ZNF407: variants seen among roughly 807,000 people sequenced by gnomAD.
ZNF407 encodes zinc finger protein 407.
A neutral mutation model predicts 131.2 loss-of-function variants in ZNF407; 17 were observed. The ratio of observed to expected loss-of-function variants is 0.13; its 90% confidence interval spans 0.09 to 0.19. The LOEUF (loss-of-function observed/expected upper bound fraction) is 0.19, where lower values mean the gene tolerates loss of function less well. Ranked by LOEUF, ZNF407 falls within the 10% of genes least tolerant of loss-of-function variation. The probability of loss-of-function intolerance (pLI) is 1.00; values close to 1 mark genes in which losing one functional copy is unlikely to be tolerated. For missense variants in ZNF407, 2,681 were observed against 2,830.6 expected (o/e 0.95, Z 1.20); for synonymous variants, 1,156 against 1,062.0 (o/e 1.09, Z -1.72).
At chr18:74,713,532 G>A (rs1170746706) in intron 3 of ZNF407, among the ~76,000 whole-genome samples, 6 of 151,908 alleles carry the variant, frequency 3.9e-5, no homozygotes, top group Non-Finnish European at 7.4e-5. Context: ...AGGCAAATTT[G>A]ACTTAGGCAT....
chr18:75,022,493 C>G (rs1258755179), intron 8 of ZNF407, among the ~76,000 whole-genome samples: 3 of 152,130 alleles, frequency 2.0e-5, no homozygotes, highest in Non-Finnish European at 4.4e-5. Flanking sequence ...TGTACATGGC[C>G]TAAGGCAATA....
chr18:74,756,190 C>A (rs1410085168), intron 3 of ZNF407, among the ~76,000 whole-genome samples: 1 of 151,972 alleles, frequency 6.6e-6, no homozygotes, highest in Non-Finnish European at 1.5e-5. Flanking sequence ...CAGCGCCTGG[C>A]CATATATTTC....
chr18:74,910,632 C>T lies in ZNF407; in HGVS notation c.5250-9882C>T, dbSNP rs890939587. 1.1e-4 allele frequency among the ~76,000 whole-genome samples: 16 copies of T among 152,182 alleles called. 1 individual carries two copies. Among genetic ancestry groups the T allele is most frequent in the African/African-American group, 3.9e-4 (16 of 41,514 alleles). ...AAGAATTTAACCCGCTATGTAGTGC[C>T]TTGCATTACCTAAACCATATTTTAG... On this transcript the variant is annotated intron_variant, in intron 7 of 8. Transcript: ENST00000299687.
chr18:74,832,602 T>A (rs141702965), intron 4 of ZNF407, among the ~76,000 whole-genome samples: 245 of 152,272 alleles, frequency 1.6e-3, no homozygotes, highest in Middle Eastern at 0.014. Context: ...CCACTTTAAG[T>A]TGATTTCAAA....
chr18:75,009,961 C>T (rs1426865927), intron 8 of ZNF407, among the ~76,000 whole-genome samples: 1 of 152,114 alleles, frequency 6.6e-6, no homozygotes, highest in African/African-American at 2.4e-5. Flanking sequence ...GCAGTGCTGT[C>T]CTAGACTTAA....
At chr18:74,677,770 A>G (rs1207408051) in intron 3 of ZNF407, among the ~76,000 whole-genome samples, 1 of 151,848 alleles carries the variant, frequency 6.6e-6, no homozygotes, top group Non-Finnish European at 1.5e-5. Context: ...GTCCATTTCT[A>G]TTGCCTGTTG....
At chr18:74,907,610 G>C (rs1568264528) in intron 7 of ZNF407, among the ~76,000 whole-genome samples, 1 of 152,204 alleles carries the variant, frequency 6.6e-6, no homozygotes, top group Non-Finnish European at 1.5e-5. Flanking sequence ...AACTCTGTAG[G>C]AGAAGCTAAC....
intron 3 of ZNF407, among the ~76,000 whole-genome samples, chr18:74,694,414 T>C (rs1262386392): frequency 6.6e-6 from 1 of 151,812 alleles, no homozygotes; most frequent in African/African-American, 2.4e-5. Context: ...GAGATATAGC[T>C]CCCTTTATTA....
At chr18:74,655,566 G>A (rs779280118) in intron 3 of ZNF407, among the ~76,000 whole-genome samples, 6 of 152,066 alleles carry the variant, frequency 3.9e-5, no homozygotes, top group Non-Finnish European at 8.8e-5. Context: ...TGATGTCTGA[G>A]TAAATGATTC....
At position 74,703,821 on chromosome 18, in the gene ZNF407, T is replaced by G. The variant is rs1967558048; in HGVS notation, c.4802+62699T>G. On this transcript the variant is annotated intron_variant, in intron 3 of 8. Coordinates refer to ENST00000299687, the MANE Select transcript of ZNF407 (RefSeq NM_017757.3). The surrounding 1 kb of genome is among the most constrained non-coding windows in gnomAD (Gnocchi z 4.1). ...CAGACTCTTTCTAAATATACAGTTTTGTTGATTAATTAATCATTTAATATT... is the reference window on the plus strand; with the variant it reads ...CAGACTCTTTCTAAATATACAGTTTGGTTGATTAATTAATCATTTAATATT... Among the ~76,000 whole-genome samples, 1 of 152,222 alleles carries G rather than the reference T, an allele frequency of 6.6e-6. No homozygotes were observed. Among genetic ancestry groups the G allele is most frequent in the Non-Finnish European group, 1.5e-5 (1 of 68,042 alleles).
intron 7 of ZNF407, among the ~76,000 whole-genome samples, chr18:74,891,382 T>C (rs1483782284): frequency 1.3e-5 from 2 of 152,250 alleles, no homozygotes; most frequent in African/African-American, 4.8e-5. Flanking sequence ...TTGAATATTA[T>C]GTATGTTAAG....
chr18:75,063,723 A>T lies in ZNF407; in HGVS notation c.6002A>T (p.Glu2001Val). 1 of 1,610,736 alleles carries T rather than the reference A, an allele frequency of 6.2e-7. No homozygotes were observed. The highest frequency in any genetic ancestry group is 8.5e-7 in the Non-Finnish European group (1 of 1,179,566). Reference protein sequence around the residue: ...ALLCAVTELGEVEGRAGLEEQ... With the variant: ...ALLCAVTELGVVEGRAGLEEQ... ...CTCTGTGCGGTCACTGAATTAGGGG[A>T]GGTGGAGGGCAGGGCTGGGCTCGAG... The change falls in exon 9 of 9, where the codon GAG (glutamate) becomes GTG (valine). Residue 2001 changes from glutamate to valine, a missense_variant. Physicochemically the swap from Glu to Val is moderately radical, Grantham distance 121 (BLOSUM62 -2). Around this residue, in one of 6 missense-constraint regions of ZNF407, gnomAD observed 620 missense variants for 583.1 expected, o/e 1.06. Coordinates refer to ENST00000299687, the MANE Select transcript of ZNF407 (RefSeq NM_017757.3). The surrounding 1 kb of genome is among the most constrained non-coding windows in gnomAD (Gnocchi z 6.6).
At chr18:74,776,591 C>G (rs1969476740) in intron 3 of ZNF407, among the ~76,000 whole-genome samples, 1 of 152,126 alleles carries the variant, frequency 6.6e-6, no homozygotes, top group African/African-American at 2.4e-5. Context: ...TCCCCCTACC[C>G]CTACTTTTTG....
chr18:74,956,270 C>G (rs770988199), intron 8 of ZNF407, among the ~76,000 whole-genome samples: 4 of 151,946 alleles, frequency 2.6e-5, no homozygotes, highest in Non-Finnish European at 5.9e-5. Flanking sequence ...TGCATTCCTC[C>G]TGACATCCAC....
At chr18:74,781,931 G>A (rs1002854460) in intron 4 of ZNF407, among the ~76,000 whole-genome samples, 19 of 152,082 alleles carry the variant, frequency 1.2e-4, no homozygotes, top group African/African-American at 4.6e-4. Flanking sequence ...AATACATCTT[G>A]TGTCATCCCC....
At chr18:74,995,131 G>A (rs916024979) in intron 8 of ZNF407, among the ~76,000 whole-genome samples, 4 of 152,210 alleles carry the variant, frequency 2.6e-5, no homozygotes, top group South Asian at 2.1e-4. Flanking sequence ...AATATTTATC[G>A]AAGGCTGACT....
chr18:75,057,680 A>C (rs1190762012), intron 8 of ZNF407, among the ~76,000 whole-genome samples: 1 of 152,200 alleles, frequency 6.6e-6, no homozygotes, highest in Non-Finnish European at 1.5e-5. Context: ...TGATTGTTCT[A>C]TAAACCCAAT....
intron 7 of ZNF407, among the ~76,000 whole-genome samples, chr18:74,916,781 A>AGTGTGTGTGT (rs375090606): frequency 0.025 from 2,236 of 87,944 alleles, 97 homozygotes; most frequent in Non-Finnish European, 0.032. Flanking sequence ...TCGAATCGGG[A>AGTGTGTGTGT]GTGTGTGTGT....
chr18:74,834,082 T>C (rs757160984), intron 4 of ZNF407, among the ~76,000 whole-genome samples: 2 of 152,214 alleles, frequency 1.3e-5, no homozygotes, highest in Non-Finnish European at 2.9e-5. Context: ...AAATCTAACC[T>C]TTATCAAACT....
Sources: gnomAD v4.1 joint callset for allele counts (sites outside exome capture counted in the v4.1 genomes callset) on GRCh38, gnomAD v4.1.1 for gene constraint, gnomAD v4.1.1 regional missense constraint, Gnocchi (gnomAD v3.1) non-coding constraint, MANE v1.5 for transcripts, NCBI Gene and HGNC (gene_info 2026-07-23, HGNC 2026-07-21) for gene names.